The following LRP1B variants were observed in gnomAD, a reference collection of about 807,000 sequenced individuals.
The protein encoded by LRP1B is low-density lipoprotein receptor-related protein 1B.
LRP1B carries 217 observed loss-of-function variants against 556.6 expected under a neutral mutation model. The observed-to-expected ratio is 0.39, with a 90% CI of 0.35 to 0.44. The LOEUF (loss-of-function observed/expected upper bound fraction) is 0.44. LRP1B is among the 20% of genes least tolerant of loss of function. The pLI is 1.00. For missense variants in LRP1B, 5,053 were observed against 5,620.8 expected (o/e 0.90, Z 3.23); for synonymous variants, 2,047 against 1,865.8 (o/e 1.10, Z -2.50).
At chr2:140,921,351 A>G (rs892099453) in intron 21 of LRP1B, among the ~76,000 whole-genome samples, 1 of 152,072 alleles carries the variant, frequency 6.6e-6, no homozygotes, top group East Asian at 1.9e-4. Flanking sequence ...TCTTTTTCAT[A>G]TATGTTTTAA....
chr2:142,129,612 C>G (rs934686833), intron 1 of LRP1B, among the ~76,000 whole-genome samples: 3 of 118,870 alleles, frequency 2.5e-5, no homozygotes, highest in Non-Finnish European at 5.4e-5. Flanking sequence ...CTCTCTCTCT[C>G]TCTCTCTCTC....
chr2:140,417,278 A>G (rs886939371), intron 66 of LRP1B, among the ~76,000 whole-genome samples: 1 of 152,256 alleles, frequency 6.6e-6, no homozygotes. Context: ...CTATTGGTGA[A>G]GAGTTAATCC....
intron 3 of LRP1B, among the ~76,000 whole-genome samples, chr2:141,416,395 G>A (rs1422464558): frequency 6.6e-6 from 1 of 150,968 alleles, no homozygotes; most frequent in Non-Finnish European, 1.5e-5. Context: ...CAAGACATAA[G>A]CTGCTTAGCA....
intron 72 of LRP1B, among the ~76,000 whole-genome samples, chr2:140,363,567 T>C (rs563564083): frequency 1.3e-3 from 194 of 151,624 alleles, no homozygotes; most frequent in Non-Finnish European, 2.2e-3. Flanking sequence ...AACAATCTAA[T>C]CCCTGGTGAT....
At chr2:140,340,730 GT>G (rs200327284) in intron 77 of LRP1B, among the ~76,000 whole-genome samples, 7 of 150,746 alleles carry the variant, frequency 4.6e-5, no homozygotes, top group African/African-American at 1.2e-4. Flanking sequence ...CCAAAGTTTT[GT>G]TTTTTTTCTT....
chr2:141,280,618 T>G (rs751035018), intron 3 of LRP1B, among the ~76,000 whole-genome samples: 7 of 150,834 alleles, frequency 4.6e-5, no homozygotes, highest in Non-Finnish European at 1.0e-4. Flanking sequence ...AATATTGGCT[T>G]GTTTAAAGTC....
intron 1 of LRP1B, among the ~76,000 whole-genome samples, chr2:142,018,608 T>C (rs1232286228): frequency 6.6e-6 from 1 of 152,190 alleles, no homozygotes; most frequent in Non-Finnish European, 1.5e-5. Flanking sequence ...TTTTATTTAA[T>C]TTTCATTGAA....
intron 2 of LRP1B, among the ~76,000 whole-genome samples, chr2:141,688,158 A>G (rs913402542): frequency 2.0e-5 from 3 of 151,634 alleles, no homozygotes; most frequent in African/African-American, 7.3e-5. Context: ...TTCCCTGTCA[A>G]TTTTCTTTCT....
chr2:140,920,036 G>C (rs1559194791), intron 21 of LRP1B, among the ~76,000 whole-genome samples: 1 of 152,000 alleles, frequency 6.6e-6, no homozygotes, highest in Non-Finnish European at 1.5e-5. Context: ...AAGTAGGACA[G>C]AAGGATTAAA....
rs907210102 is a variant in LRP1B at position 140,528,727 on chromosome 2, G to T, written c.7763-2377C>A. Among the ~76,000 whole-genome samples, 12 of 151,928 alleles carry T rather than the reference G, an allele frequency of 7.9e-5. No homozygotes were observed. The South Asian group carries it at 1.2e-3, about 16-fold the overall frequency. ...AAGCAGTAGGAGCAAGGTGACTGTG[G>T]GGATTAATATTGCCTTCATTAACAG... On this transcript the variant is annotated intron_variant, in intron 47 of 90. Transcript: ENST00000389484.
chr2:142,074,913 T>G (rs2104918642), intron 1 of LRP1B, among the ~76,000 whole-genome samples: 1 of 152,236 alleles, frequency 6.6e-6, no homozygotes, highest in Middle Eastern at 3.4e-3. Context: ...TATACACTAC[T>G]TTCAGATTCA....
chr2:141,398,505 G>A (rs562158684), intron 3 of LRP1B, among the ~76,000 whole-genome samples: 10 of 152,108 alleles, frequency 6.6e-5, no homozygotes, highest in Admixed American at 1.3e-4. Context: ...TTTCTTTTCC[G>A]ATCCCCAGGT....
Position 141,036,954 on chromosome 2 carries a change from A to T in LRP1B, c.1789+12032T>A, listed in dbSNP as rs116614892. ...TAAGGCAGAGTTTCACTGCCACAGG[A>T]GGAGAAGGGCCCACCTTCAAAACCC... is the stretch of plus-strand genomic sequence containing the variant. On this transcript the variant is annotated intron_variant, in intron 11 of 90. Coordinates refer to ENST00000389484, the MANE Select transcript of LRP1B (RefSeq NM_018557.3). 3.0e-3 allele frequency among the ~76,000 whole-genome samples: 452 copies of T among 152,140 alleles called. 3 individuals carry two copies. The highest frequency in any genetic ancestry group is 0.011 in the African/African-American group (439 of 41,552).
In LRP1B at chr2:141,049,160, C is replaced by T. The variant is rs2105446111; in HGVS notation, c.1615G>A (p.Asp539Asn). ...TCATCAGCTATCTTGGTATTCAAGTCCATTCCTCTAACAATTCCTGGGCGT... is the reference window on the plus strand; with the variant it reads ...TCATCAGCTATCTTGGTATTCAAGTTCATTCCTCTAACAATTCCTGGGCGT... The part of the protein sequence containing the change: ...KGRPGIVRGM[D>N]LNTKIADEYM... Residue 539 changes from aspartate to asparagine, a missense_variant, in exon 11 of 91, where the codon GAC (aspartate) becomes AAC (asparagine). This residue lies in a region of LRP1B where 3,619 missense variants were observed against 3,931.9 expected (regional missense o/e 0.92). Coordinates refer to ENST00000389484, the MANE Select transcript of LRP1B (RefSeq NM_018557.3). 1.9e-6 allele frequency: 3 copies of T among 1,613,562 alleles called. No individual in the cohort carries two copies. The highest frequency in any genetic ancestry group is 1.1e-5 in the South Asian group (1 of 91,068).
chr2:141,045,436 AT>A (rs1698840443), intron 11 of LRP1B, among the ~76,000 whole-genome samples: 4 of 55,536 alleles, frequency 7.2e-5, no homozygotes, highest in Admixed American at 2.5e-4. Context: ...AAATAAATAA[AT>A]TAATTAATTA....
At chr2:141,280,627 T>G (rs2105386770) in intron 3 of LRP1B, among the ~76,000 whole-genome samples, 1 of 152,078 alleles carries the variant, frequency 6.6e-6, no homozygotes, top group Admixed American at 6.5e-5. Context: ...TTGTTTAAAG[T>G]CCCAGTAATA....
chr2:140,889,823 A>G (rs1365498145), intron 23 of LRP1B, among the ~76,000 whole-genome samples: 1 of 152,170 alleles, frequency 6.6e-6, no homozygotes, highest in African/African-American at 2.4e-5. Flanking sequence ...ATAAAGTGTC[A>G]ATGGTAGTTT....
intron 60 of LRP1B, among the ~76,000 whole-genome samples, chr2:140,471,052 A>G (rs944944743): frequency 2.6e-5 from 4 of 152,310 alleles, no homozygotes; most frequent in African/African-American, 9.6e-5. Flanking sequence ...ACCCAAATAT[A>G]TGGACCTACA....
At chr2:140,865,480 T>C (rs1186515624) in intron 27 of LRP1B, among the ~76,000 whole-genome samples, 1 of 151,980 alleles carries the variant, frequency 6.6e-6, no homozygotes, top group African/African-American at 2.4e-5. Flanking sequence ...TTTAATTCTA[T>C]CCTCGGTAAT....
Sources: gnomAD v4.1 joint callset for allele counts (sites outside exome capture counted in the v4.1 genomes callset) on GRCh38, gnomAD v4.1.1 for gene constraint, gnomAD v4.1.1 regional missense constraint, MANE v1.5 for transcripts, NCBI Gene and HGNC (gene_info 2026-07-23, HGNC 2026-07-21) for gene names.